KLHL29: variants seen among roughly 807,000 people sequenced by gnomAD.
KLHL29 encodes kelch-like protein 29.
In KLHL29, 21 loss-of-function variants were observed where a neutral mutation model predicts 80.4. That is an observed-to-expected ratio of 0.26 (90% CI 0.19 to 0.38). KLHL29 has a LOEUF of 0.38. Ranked by LOEUF, KLHL29 falls within the 10% of genes least tolerant of loss-of-function variation. KLHL29 has a pLI of 1.00. For missense variants in KLHL29, 867 were observed against 1,223.9 expected, an observed-to-expected ratio of 0.71 and a Z score of 4.35; for synonymous variants, 511 against 526.8, an observed-to-expected ratio of 0.97 and a Z score of 0.41.
chr2:23,628,146 G>A (rs1025686791), intron 3 of KLHL29, among the ~76,000 whole-genome samples: 6 of 152,024 alleles, frequency 3.9e-5, no homozygotes, highest in Admixed American at 3.9e-4. Flanking sequence ...TCCTGACCTC[G>A]TGATCCACCC....
At chr2:23,651,636 A>G (rs1230208565) in intron 5 of KLHL29, among the ~76,000 whole-genome samples, 1 of 152,066 alleles carries the variant, frequency 6.6e-6, no homozygotes, top group Non-Finnish European at 1.5e-5. Context: ...TGAGCATCAC[A>G]CTGTAGATAT....
At chr2:23,606,405 C>T (rs1668730047) in intron 3 of KLHL29, among the ~76,000 whole-genome samples, 1 of 152,102 alleles carries the variant, frequency 6.6e-6, no homozygotes, top group South Asian at 2.1e-4. Flanking sequence ...GGCGCCCTTC[C>T]TGTGACTCAC....
intron 1 of KLHL29, among the ~76,000 whole-genome samples, chr2:23,463,486 T>A (rs1332538918): frequency 6.6e-6 from 1 of 152,132 alleles, no homozygotes; most frequent in Non-Finnish European, 1.5e-5. Context: ...AGACAAAAAA[T>A]TTTACTGTAC....
chr2:23,511,247 A>AGGTGACTCCCAGT (rs1303130598), intron 2 of KLHL29, among the ~76,000 whole-genome samples: 2 of 152,200 alleles, frequency 1.3e-5, no homozygotes, highest in Non-Finnish European at 2.9e-5. Flanking sequence ...TAAGCTCACC[A>AGGTGACTCCCAGT]GGTGACTCCC....
chr2:23,569,585 T>C lies in KLHL29; in HGVS notation c.285+7104T>C, dbSNP rs897926658. ...ATGGGTTAAATAGGCTTTGGAGAAC[T>C]AGACTGGGAGTCTCATCACCATTTA... On this transcript the variant is annotated intron_variant, in intron 3 of 13. Transcript: ENST00000486442. Among the ~76,000 whole-genome samples, 3 of 151,906 alleles carry C rather than the reference T, an allele frequency of 2.0e-5. No individual in the cohort carries two copies. In the South Asian group the frequency reaches 6.2e-4, roughly 31 times the overall value.
chr2:23,703,254 CCA>C lies in KLHL29; in HGVS notation c.2177_2178del (p.Thr726SerfsTer41). Reference sequence around the variant, plus strand: ...CCCAAGGCAGTACACTCTGCTGCAGCCACAGTGTGTGGCGGCAAGATCTACGT... The same window carrying C: ...CCCAAGGCAGTACACTCTGCTGCAGCCAGTGTGTGGCGGCAAGATCTACGT... On this transcript the variant is annotated frameshift_variant, in exon 12 of 14. Transcript: ENST00000486442. LOFTEE classifies it high-confidence loss of function. The C allele has an allele frequency of 6.5e-7, 1 of 1,545,426 alleles. No homozygotes were observed. Among genetic ancestry groups the C allele is most frequent in the African/African-American group, 1.4e-5 (1 of 72,904 alleles).
At chr2:23,639,464 G>A (rs377755369) in intron 4 of KLHL29, among the ~76,000 whole-genome samples, 184 bp downstream of exon 4, 21 of 152,290 alleles carry the variant, frequency 1.4e-4, no homozygotes, top group Middle Eastern at 3.4e-3. Context: ...GTCCCTCTGC[G>A]TCTTCCTCTG....
Position 23,479,140 on chromosome 2 carries a change from T to C in KLHL29, c.-46+3473T>C, listed in dbSNP as rs1017222061. ...GACACTCTGCTGCCCCCTTGTCTTC[T>C]GACTGTACCTGCTTTCCCTGGCCCA... On this transcript the variant is annotated intron_variant, in intron 2 of 13. Transcript: ENST00000486442. Among the ~76,000 whole-genome samples, 3 of 151,780 alleles carry C rather than the reference T, an allele frequency of 2.0e-5. No homozygotes were observed. In the East Asian group the frequency reaches 5.9e-4, roughly 30 times the overall value.
Position 23,681,179 on chromosome 2 carries a change from C to T in KLHL29, c.941-3220C>T, listed in dbSNP as rs1324435880. On this transcript the variant is annotated intron_variant, in intron 5 of 13. Coordinates refer to ENST00000486442, the MANE Select transcript of KLHL29 (RefSeq NM_052920.2). The surrounding 1 kb of genome is among the most constrained non-coding windows in gnomAD (Gnocchi z 4.2). The stretch of plus-strand genomic sequence containing the variant: ...CAGGCAGTGGGCAGCAGCCCGCACA[C>T]ACCAGCCAATCGATACTAGGAATGC... 1.3e-5 allele frequency among the ~76,000 whole-genome samples: 2 copies of T among 152,256 alleles called. No individual in the cohort carries two copies. Among genetic ancestry groups the T allele is most frequent in the Admixed American group, 1.3e-4 (2 of 15,286 alleles).
chr2:23,396,638 C>T (rs557214879), intron 1 of KLHL29, among the ~76,000 whole-genome samples: 18 of 152,248 alleles, frequency 1.2e-4, no homozygotes, highest in South Asian at 4.1e-4. Flanking sequence ...GTAATCTCTT[C>T]GGTTCATGCT....
At chr2:23,683,615 C>T (rs374560658) in intron 5 of KLHL29, among the ~76,000 whole-genome samples, 93 of 152,324 alleles carry the variant, frequency 6.1e-4, no homozygotes, top group African/African-American at 2.1e-3. Flanking sequence ...GTCCAAGACA[C>T]CGGGCACAGG....
intron 2 of KLHL29, among the ~76,000 whole-genome samples, chr2:23,505,474 T>C (rs764577710): frequency 6.6e-6 from 1 of 152,236 alleles, no homozygotes; most frequent in African/African-American, 2.4e-5. Flanking sequence ...CTCCCCTCTG[T>C]TCCTGCCCAT....
intron 3 of KLHL29, among the ~76,000 whole-genome samples, chr2:23,572,890 CGG>C (rs1159493271): frequency 1.3e-5 from 2 of 152,252 alleles, no homozygotes; most frequent in African/African-American, 4.8e-5. Flanking sequence ...TTAGTAGAGA[CGG>C]GGTTTCACCA....
rs1672724547 is a variant in KLHL29, at chr2:23,706,367, A to T, written c.2445-114A>T. 8.1e-6 allele frequency: 6 copies of T among 744,250 alleles called. No individual in the cohort carries two copies. The African/African-American group carries it at 1.1e-4, about 14-fold the overall frequency. 46.1% of individuals were successfully genotyped at this position (744,250 alleles called of 1,614,324 possible). On this transcript the variant is annotated intron_variant, in intron 13 of 13. Transcript: ENST00000486442. ...GCAAAGAAGGGCAGCAAGATCCCAG[A>T]TGCCTTCTGCAAAAGGCACAGGCAG...
intron 3 of KLHL29, among the ~76,000 whole-genome samples, chr2:23,571,831 T>C (rs1040254437): frequency 6.6e-6 from 1 of 152,178 alleles, no homozygotes; most frequent in African/African-American, 2.4e-5. Context: ...GCTTCTTGTG[T>C]GAGCCAATAC....
intron 2 of KLHL29, among the ~76,000 whole-genome samples, chr2:23,547,283 G>C (rs934364460): frequency 1.3e-5 from 2 of 152,170 alleles, no homozygotes; most frequent in South Asian, 2.1e-4. Context: ...ACCCGATTCC[G>C]AGCCTGGGTC....
At chr2:23,536,846 A>G (rs935444125) in intron 2 of KLHL29, among the ~76,000 whole-genome samples, 21 of 151,714 alleles carry the variant, frequency 1.4e-4, no homozygotes, top group African/African-American at 2.2e-4. Context: ...TCTGAGACAA[A>G]CTTCTGGTTC....
chr2:23,407,079 A>G (rs967152904), intron 1 of KLHL29, among the ~76,000 whole-genome samples: 1 of 152,202 alleles, frequency 6.6e-6, no homozygotes, highest in Admixed American at 6.5e-5. Flanking sequence ...AAACAATCTT[A>G]AAAGACCATG....
intron 2 of KLHL29, among the ~76,000 whole-genome samples, chr2:23,491,249 G>T (rs1665094794): frequency 6.6e-6 from 1 of 152,128 alleles, no homozygotes; most frequent in South Asian, 2.1e-4. Context: ...TGATGACCCA[G>T]AGAGGCCCTC....
Sources: gnomAD v4.1 joint callset for allele counts (sites outside exome capture counted in the v4.1 genomes callset) on GRCh38, gnomAD v4.1.1 for gene constraint, Gnocchi (gnomAD v3.1) non-coding constraint, MANE v1.5 for transcripts, NCBI Gene and HGNC (gene_info 2026-07-23, HGNC 2026-07-21) for gene names.